Variants in ITGA10 observed in about 807,000 individuals in gnomAD.
The protein encoded by ITGA10 is integrin alpha-10.
A neutral mutation model predicts 145.2 loss-of-function variants in ITGA10; 105 were observed. The observed-to-expected ratio is 0.72, with a 90% CI of 0.62 to 0.85. ITGA10 has a LOEUF of 0.85. Ranked by LOEUF, ITGA10 falls within the 40% of genes least tolerant of loss-of-function variation. The pLI, the probability that ITGA10 is intolerant of heterozygous loss-of-function variation, is 0.00. For synonymous variants in ITGA10, 506 were observed against 557.8 expected, an observed-to-expected ratio of 0.91 and a Z score of 1.31; for missense variants, 1,317 against 1,444.5, an observed-to-expected ratio of 0.91 and a Z score of 1.43.
Position 145,892,961 on chromosome 1 carries a change from TC to T in ITGA10, c.3439-99del, listed in dbSNP as rs1337061422. 39 of 1,050,806 alleles carry T rather than the reference TC, an allele frequency of 3.7e-5. No individual in the cohort carries two copies. In the African/African-American group the frequency reaches 5.3e-4, roughly 14 times the overall value. The allele number at this position is 1,050,806 out of a possible 1,614,324, so 65.1% of individuals were successfully genotyped here. A position where few individuals can be genotyped will look rare whatever the true frequency, so the allele number is the denominator to read the frequency against. ...CTGAGGTCTTCACTTTTGTTCTGTT[TC>T]CAAAAATGGAATTCAAATTTATTTT... On this transcript the variant is annotated intron_variant, in intron 29 of 29. Coordinates refer to ENST00000369304, the MANE Select transcript of ITGA10 (RefSeq NM_003637.5).
In ITGA10 at chr1:145,901,101, C is replaced by T. The variant is rs782204764; in HGVS notation, c.1587+34G>A. ...CTTTCCTCCCTCCACCCCCACAATG[C>T]AAGTCCAGGGCAGGGGGTCCCAGCA... On this transcript the variant is annotated intron_variant, in intron 13 of 29. Coordinates refer to ENST00000369304, the MANE Select transcript of ITGA10 (RefSeq NM_003637.5). This position sits in a 1 kb window ranked among gnomAD's most constrained non-coding sequence, Gnocchi z 4.3. 4 of 1,613,294 alleles carry T rather than the reference C, an allele frequency of 2.5e-6. No homozygotes were observed. Among genetic ancestry groups the T allele is most frequent in the Non-Finnish European group, 3.4e-6 (4 of 1,179,650 alleles).
In ITGA10 at chr1:145,901,089, AC is replaced by A; in HGVS notation, c.1587+45del. ...GCACCTTCCCTCCTTTCCTCCCTCC[AC>A]CCCCACAATGCAAGTCCAGGGCAGG... On this transcript the variant is annotated intron_variant, in intron 13 of 29. Coordinates refer to ENST00000369304, the MANE Select transcript of ITGA10 (RefSeq NM_003637.5). The surrounding 1 kb of genome is among the most constrained non-coding windows in gnomAD (Gnocchi z 4.3). 1 of 1,612,204 alleles carries A rather than the reference AC, an allele frequency of 6.2e-7. No individual in the cohort carries two copies. Among genetic ancestry groups the A allele is most frequent in the South Asian group, 1.1e-5 (1 of 90,944 alleles).
At position 145,891,335 on chromosome 1, in the gene ITGA10, G is replaced by T. The variant is rs1379112167; in HGVS notation, c.*1463C>A. ...AGAGACATGCCAAAATAAATACTGT[G>T]GTCAGGCCTCAGGAACAGCCTGGGA... On this transcript the variant is annotated 3_prime_UTR_variant, in exon 30 of 30. Transcript: ENST00000369304. 3.9e-5 allele frequency: 6 copies of T among 152,698 alleles called. No individual in the cohort carries two copies. Among genetic ancestry groups the T allele is most frequent in the African/African-American group, 1.2e-4 (5 of 41,552 alleles). The allele number at this position is 152,698 out of a possible 1,614,324, so 9.5% of individuals were successfully genotyped here. A position where few individuals can be genotyped will look rare whatever the true frequency, so the allele number is the denominator to read the frequency against.
At position 145,896,025 on chromosome 1, in the gene ITGA10, C is replaced by A; in HGVS notation, c.2991G>T (p.Gly997=). 6.2e-7 allele frequency: 1 copy of A among 1,614,082 alleles called. No homozygotes were observed. Among genetic ancestry groups the A allele is most frequent in the Non-Finnish European group, 8.5e-7 (1 of 1,180,004 alleles). The change falls in exon 25 of 30, where the codon GGG becomes GGT. Residue 997 remains glycine (G), a synonymous_variant. Transcript: ENST00000369304. ...ISALLPAVAH[G]GNYFLSLSQV... is the part of the protein sequence containing the mutation. ...GAGACAGTGATAGGAAGTAATTGCC[C>A]CCATGGGCCACAGCTGGAAGGAGGG...
At position 145,893,535 on chromosome 1, in the gene ITGA10, C is replaced by T. The variant is rs782103458; in HGVS notation, c.3324+5G>A. 9 of 1,606,114 alleles carry T rather than the reference C, an allele frequency of 5.6e-6. No individual in the cohort carries two copies. The highest frequency in any genetic ancestry group is 1.1e-5 in the South Asian group (1 of 90,010). ...ACAGCTCTCAGACTCGGTCTCCAGC[C>T]CTACCTCACTCCAACGGGAGGCTTC... On this transcript the variant is annotated splice_donor_5th_base_variant and intron_variant, in intron 28 of 29. Transcript: ENST00000369304.
chr1:145,909,585 T>A (rs1168343739), intron 1 of ITGA10, among the ~76,000 whole-genome samples: 1 of 134,180 alleles, frequency 7.5e-6, no homozygotes, highest in African/African-American at 3.0e-5. Flanking sequence ...TATAATTATG[T>A]TACATATTAT....
intron 28 of ITGA10, 58 bp from the exon 29 acceptor site, chr1:145,893,332 C>G: frequency 8.0e-7 from 1 of 1,245,478 alleles, no homozygotes; most frequent in Non-Finnish European, 1.2e-6. Flanking sequence ...TAGCCTCACC[C>G]CACATTATAT....
Position 145,897,322 on chromosome 1 carries a change from C to T in ITGA10, c.2592G>A (p.Lys864=). The T allele has an allele frequency of 6.2e-7, 1 of 1,614,124 alleles. No homozygotes were observed. Among genetic ancestry groups the T allele is most frequent in the East Asian group, 2.2e-5 (1 of 44,880 alleles). ...SLTPQRESPI[K]VECAAPSAHA... ...GAGCAGAAGGGGCGGCACATTCCAC[C>T]TTTATTGGGCTCTCTCTCTGAGGGC... is the stretch of plus-strand genomic sequence containing the variant. Residue 864 remains lysine, a synonymous_variant, in exon 21 of 30, where the codon AAG becomes AAA. Transcript: ENST00000369304.
At chr1:145,908,942 GTCACA>G (rs1384467658) in intron 1 of ITGA10, among the ~76,000 whole-genome samples, 1 of 152,108 alleles carries the variant, frequency 6.6e-6, no homozygotes, top group Non-Finnish European at 1.5e-5. Flanking sequence ...CACGTGGAAG[GTCACA>G]TCACATTTCT....
chr1:145,909,588 CATATTATATGTATATTA>C (rs1559218472), intron 1 of ITGA10, among the ~76,000 whole-genome samples: 5 of 106,928 alleles, frequency 4.7e-5, no homozygotes, highest in African/African-American at 2.4e-4. Context: ...AATTATGTTA[CATATTATATGTATATTA>C]TATATAATAT....
At position 145,901,036 on chromosome 1, in the gene ITGA10, C is replaced by T. The variant is rs1656240847; in HGVS notation, c.1588-43G>A. On this transcript the variant is annotated intron_variant, in intron 13 of 29. Coordinates refer to ENST00000369304, the MANE Select transcript of ITGA10 (RefSeq NM_003637.5). This position sits in a 1 kb window ranked among gnomAD's most constrained non-coding sequence, Gnocchi z 4.3. ...ATAGAAGATGCTAATCTGGCAGACC[C>T]AACCTCTCAGCAAACCCTCAAATAT... The T allele has an allele frequency of 6.2e-7, 1 of 1,613,138 alleles. No homozygotes were observed. Among genetic ancestry groups the T allele is most frequent in the East Asian group, 2.2e-5 (1 of 44,880 alleles).
intron 5 of ITGA10, 176 bp downstream of exon 5, chr1:145,906,218 C>T: frequency 1.8e-6 from 1 of 557,502 alleles, no homozygotes; most frequent in African/African-American, 1.9e-5. Context: ...TGTGGGCCAC[C>T]ACACCTGGCC....
chr1:145,897,789 G>C lies in ITGA10; in HGVS notation c.2432+26C>G, dbSNP rs782717630. 1.9e-6 allele frequency: 3 copies of C among 1,611,954 alleles called. No homozygotes were observed. In the Admixed American group the frequency reaches 5.0e-5, roughly 27 times the overall value. On this transcript the variant is annotated intron_variant, in intron 19 of 29. Coordinates refer to ENST00000369304, the MANE Select transcript of ITGA10 (RefSeq NM_003637.5). ...TTCCAGTCTGTCTCAGGTCACCCTG[G>C]TTTGCCTAGTACATGTCCATCCAAC...
Position 145,896,052 on chromosome 1 carries a change from T to A in ITGA10, c.2964A>T (p.Ser988=). ...CATGGGCCACAGCTGGAAGGAGGGC[T>A]GAGATGATGAGGCCACTGACCACAT... The part of the protein sequence containing the change: ...GCYVVSGLII[S]ALLPAVAHGG... Residue 988 remains serine (S), a synonymous_variant, in exon 25 of 30, where the codon TCA becomes TCT. Transcript: ENST00000369304. 6.2e-7 allele frequency: 1 copy of A among 1,614,126 alleles called. No individual in the cohort carries two copies. Among genetic ancestry groups the A allele is most frequent in the Non-Finnish European group, 8.5e-7 (1 of 1,180,020 alleles).
In ITGA10 at chr1:145,906,747, C is replaced by T; in HGVS notation, c.352G>A (p.Asp118Asn). 1 of 1,612,662 alleles carries T rather than the reference C, an allele frequency of 6.2e-7. No individual in the cohort carries two copies. Among genetic ancestry groups the T allele is most frequent in the Non-Finnish European group, 8.5e-7 (1 of 1,178,698 alleles). ...CCTTAGCTCACCATGAATCCCCCAT[C>T]ACCATCTGTCTCTAACAGAGACATC... Reference protein sequence around the residue: ...LGMSLLETDGDGGFMACAPLW... With the variant: ...LGMSLLETDGNGGFMACAPLW... The change falls in exon 4 of 30, where the codon GAT becomes AAT. Residue 118 changes from aspartate to asparagine, a missense_variant. By Grantham distance (23) the Asp-to-Asn change is conservative. Transcript: ENST00000369304.
In ITGA10 at chr1:145,892,405, G is replaced by A. The variant is rs114695480; in HGVS notation, c.*393C>T. The A allele has an allele frequency of 0.022, 3,738 of 168,610 alleles. 178 individuals carry two copies. Among genetic ancestry groups the A allele is most frequent in the African/African-American group, 0.085 (3,575 of 42,002 alleles). The allele number at this position is 168,610 out of a possible 1,614,324, so 10.4% of individuals were successfully genotyped here. A position where few individuals can be genotyped will look rare whatever the true frequency, so the allele number is the denominator to read the frequency against. On this transcript the variant is annotated 3_prime_UTR_variant, in exon 30 of 30. Transcript: ENST00000369304. Reference sequence around the variant, plus strand: ...AGGAAAGTGAGAGGGTGGAAGAATCGAGGAAGATAACCCTCATCCTTTCCA... The same window carrying A: ...AGGAAAGTGAGAGGGTGGAAGAATCAAGGAAGATAACCCTCATCCTTTCCA...
In ITGA10 at chr1:145,907,338, C is replaced by T; in HGVS notation, c.164+16G>A. On this transcript the variant is annotated intron_variant, in intron 2 of 29. Coordinates refer to ENST00000369304, the MANE Select transcript of ITGA10 (RefSeq NM_003637.5). ...ACTGCAGTCCCAATCCCCTGGCACT[C>T]CGGTTTCTTCCTCACCATCGCTGTC... 1 of 1,614,182 alleles carries T rather than the reference C, an allele frequency of 6.2e-7. No individual in the cohort carries two copies. The highest frequency in any genetic ancestry group is 1.6e-4 in the Middle Eastern group (1 of 6,062).
intron 27 of ITGA10, among the ~76,000 whole-genome samples, chr1:145,894,326 G>A (rs587616584): frequency 3.9e-4 from 60 of 152,106 alleles, no homozygotes; most frequent in African/African-American, 1.4e-3. Context: ...TAGCCAGGAT[G>A]GTCTCGATCT....
In ITGA10 at chr1:145,895,707, C is replaced by A. The variant is rs1553744763; in HGVS notation, c.3038G>T (p.Ser1013Ile). The A allele has an allele frequency of 6.2e-7, 1 of 1,614,226 alleles. No individual in the cohort carries two copies. Among genetic ancestry groups the A allele is most frequent in the Admixed American group, 1.7e-5 (1 of 60,030 alleles). Residue 1013 changes from serine (S) to isoleucine (I), a missense_variant, in exon 26 of 30, where the codon AGC becomes ATC. Transcript: ENST00000369304. ...TTCAGTCAGGTTCTGCACTATGCAG[C>A]TTGCCTAGAGGAAGATCCAACTTGA... ...SLSQVITNNA[S>I]CIVQNLTEPP...
Sources: allele counts gnomAD v4.1 joint callset (sites outside exome capture counted in the v4.1 genomes callset), GRCh38; gene constraint gnomAD v4.1.1; non-coding constraint Gnocchi (gnomAD v3.1); transcripts MANE v1.5; gene names NCBI Gene and HGNC (gene_info 2026-07-23, HGNC 2026-07-21).